The following GOSR1 variants were observed in gnomAD, a reference collection of about 807,000 sequenced individuals.
GOSR1 encodes the protein golgi SNAP receptor complex member 1, also known as 28 kDa Golgi SNARE protein.
GOSR1 carries 21 observed loss-of-function variants against 35.5 expected under a neutral mutation model. That is an observed-to-expected ratio of 0.59 (90% confidence interval 0.42 to 0.85). The LOEUF (loss-of-function observed/expected upper bound fraction) is 0.85, where lower values mean the gene tolerates loss of function less well. Among genes scored for constraint, GOSR1 ranks in the 40% least tolerant of loss-of-function variants. The pLI is 0.00. For synonymous variants in GOSR1, 94 were observed against 106.6 expected, an observed-to-expected ratio of 0.88 and a Z score of 0.73; for missense variants, 285 against 309.6, an observed-to-expected ratio of 0.92 and a Z score of 0.60.
chr17:30,490,007 G>A, intron 4 of GOSR1, 119 bp from the exon 5 acceptor site: 1 of 606,756 alleles, frequency 1.6e-6, no homozygotes. Context: ...TGGTTAATTT[G>A]ATTTCTTAAA....
intron 6 of GOSR1, among the ~76,000 whole-genome samples, chr17:30,508,622 G>A (rs964275224): frequency 6.6e-6 from 1 of 152,172 alleles, no homozygotes; most frequent in African/African-American, 2.4e-5. Flanking sequence ...AAGAGTAAGT[G>A]CATAGTTAAT....
rs371344860 is a variant in GOSR1 at position 30,501,305 on chromosome 17, A to C, written c.509+8552A>C. Among the ~76,000 whole-genome samples the C allele has an allele frequency of 4.9e-4, 75 of 152,292 alleles. 1 individual carries two copies. The highest frequency in any genetic ancestry group is 1.6e-3 in the African/African-American group (67 of 41,558). On this transcript the variant is annotated intron_variant, in intron 6 of 8. Coordinates refer to ENST00000451249, the MANE Select transcript of GOSR1 (RefSeq NM_001007025.2). The stretch of plus-strand genomic sequence containing the variant: ...AAGATACTTAATGTAATTAAGTATC[A>C]TTAGGGTACTGCAAAGTAAAACAAC...
At position 30,522,373 on chromosome 17, in the gene GOSR1, C is replaced by A; in HGVS notation, c.742C>A (p.His248Asn). 1.3e-6 allele frequency: 2 copies of A among 1,573,614 alleles called. No individual in the cohort carries two copies. The highest frequency in any genetic ancestry group is 1.7e-6 in the Non-Finnish European group (2 of 1,159,576). The change falls in exon 9 of 9, where the codon CAT (histidine) becomes AAT (asparagine). Residue 248 changes from histidine (H) to asparagine (N), a missense_variant. By Grantham distance (68) the His-to-Asn change is moderately conservative (BLOSUM62 1). Transcript: ENST00000451249. ...CTILLLLYAF[H>N] Reference sequence around the variant, plus strand: ...CATCCTGTTGCTGCTGTATGCGTTCCATTGATGGGACATCTTCAGGGACTC... The same window carrying A: ...CATCCTGTTGCTGCTGTATGCGTTCAATTGATGGGACATCTTCAGGGACTC...
intron 1 of GOSR1, 171 bp downstream of exon 1, chr17:30,477,635 G>A (rs1338300736): frequency 8.7e-6 from 12 of 1,383,838 alleles, no homozygotes; most frequent in Non-Finnish European, 1.1e-5. Context: ...CGAACGGTCT[G>A]GGGTAGGGGT....
chr17:30,486,019 TAAA>T (rs753646179), intron 4 of GOSR1, among the ~76,000 whole-genome samples: 7 of 76,164 alleles, frequency 9.2e-5, no homozygotes, highest in Admixed American at 1.5e-4. Flanking sequence ...AGACTCCATC[TAAA>T]AAAAAAAAAA....
At chr17:30,490,452 T>C in intron 5 of GOSR1, 1 of 354,592 alleles carries the variant, frequency 2.8e-6, no homozygotes, top group South Asian at 3.7e-5. Flanking sequence ...TTGACTTTCC[T>C]GTCTTAATTC....
intron 6 of GOSR1, among the ~76,000 whole-genome samples, chr17:30,495,119 C>T (rs1174222781): frequency 1.5e-5 from 2 of 132,270 alleles, no homozygotes; most frequent in Admixed American, 9.0e-5. Context: ...ACCCGGGAGG[C>T]GGAGGTTGCA....
intron 4 of GOSR1, among the ~76,000 whole-genome samples, chr17:30,486,999 A>C (rs1250298203): frequency 6.6e-6 from 1 of 152,258 alleles, no homozygotes; most frequent in African/African-American, 2.4e-5. Flanking sequence ...AGAACAACCA[A>C]GAAAAACAAC....
At chr17:30,495,997 T>TC (rs1457212353) in intron 6 of GOSR1, among the ~76,000 whole-genome samples, 1 of 152,148 alleles carries the variant, frequency 6.6e-6, no homozygotes, top group African/African-American at 2.4e-5. Flanking sequence ...ATCTTCTCCT[T>TC]CCCCCTCTTG....
chr17:30,477,648 G>A, intron 1 of GOSR1, 184 bp downstream of exon 1: 1 of 985,100 alleles, frequency 1.0e-6, no homozygotes. Flanking sequence ...GTAGGGGTCT[G>A]GCCTGGCCGG....
chr17:30,505,340 T>C (rs1166173880), intron 6 of GOSR1, among the ~76,000 whole-genome samples: 4 of 152,050 alleles, frequency 2.6e-5, no homozygotes, highest in Admixed American at 6.6e-5. Flanking sequence ...TTCAAAGATG[T>C]AGTGAGCTGT....
chr17:30,504,475 G>A (rs374119750), intron 6 of GOSR1, among the ~76,000 whole-genome samples: 9 of 152,080 alleles, frequency 5.9e-5, no homozygotes, highest in African/African-American at 1.7e-4. Context: ...ATCCTTTTAC[G>A]AAAACCTATT....
intron 7 of GOSR1, 139 bp from the exon 8 acceptor site, chr17:30,519,800 A>T (rs886465235): frequency 1.5e-5 from 9 of 612,840 alleles, no homozygotes; most frequent in Non-Finnish European, 2.6e-5. Flanking sequence ...TTCGGAAGTG[A>T]TTTTTTCCCC....
chr17:30,499,278 TA>T (rs1005736628), intron 6 of GOSR1, among the ~76,000 whole-genome samples: 1 of 151,910 alleles, frequency 6.6e-6, no homozygotes. Flanking sequence ...TTTTGGCTAT[TA>T]AAAACAAAAT....
At chr17:30,498,069 A>AAG (rs1967063385) in intron 6 of GOSR1, among the ~76,000 whole-genome samples, 1 of 151,986 alleles carries the variant, frequency 6.6e-6, no homozygotes, top group Admixed American at 6.5e-5. Context: ...AAAAAAAAAA[A>AAG]AAAAATCAAT....
chr17:30,485,270 ATT>A (rs1324966154), intron 4 of GOSR1: 662 of 162,474 alleles, frequency 4.1e-3, no homozygotes, highest in South Asian at 0.016. Flanking sequence ...TAGGAAGGCA[ATT>A]TTTTTTTTTT....
chr17:30,510,764 G>A, intron 6 of GOSR1, 116 bp from the exon 7 acceptor site: 3 of 610,444 alleles, frequency 4.9e-6, no homozygotes, highest in Non-Finnish European at 8.9e-6. Flanking sequence ...CTTTGAAAAA[G>A]CTAGACATTC....
At chr17:30,502,479 G>T (rs1430682641) in intron 6 of GOSR1, among the ~76,000 whole-genome samples, 1 of 152,148 alleles carries the variant, frequency 6.6e-6, no homozygotes, top group Non-Finnish European at 1.5e-5. Flanking sequence ...AATTGTTCTA[G>T]CAATAATTCT....
intron 4 of GOSR1, 39 bp from the exon 5 acceptor site, chr17:30,490,087 A>G (rs1914941478): frequency 1.1e-6 from 1 of 921,346 alleles, no homozygotes; most frequent in South Asian, 1.3e-5. Context: ...GAAAATCCAT[A>G]ATTAGCTTCT....
Sources: gnomAD v4.1 joint callset for allele counts (sites outside exome capture counted in the v4.1 genomes callset) on GRCh38, gnomAD v4.1.1 for gene constraint, MANE v1.5 for transcripts, NCBI Gene and HGNC (gene_info 2026-07-23, HGNC 2026-07-21) for gene names.